The following PIEZO2 variants were observed in gnomAD, a reference collection of about 807,000 sequenced individuals.
The protein encoded by PIEZO2 is piezo type mechanosensitive ion channel component 2.
Under a neutral mutation model 337.3 loss-of-function variants are expected in PIEZO2, and 172 were observed. The observed-to-expected ratio is 0.51, with a 90% CI of 0.45 to 0.58. The LOEUF (loss-of-function observed/expected upper bound fraction) is 0.58, where lower values mean the gene tolerates loss of function less well. Ranked by LOEUF, PIEZO2 falls within the 20% of genes least tolerant of loss-of-function variation. The pLI is 0.00. For synonymous variants in PIEZO2, 1,251 were observed against 1,228.5 expected (o/e 1.02, Z -0.38); for missense variants, 3,028 against 3,391.3 (o/e 0.89, Z 2.66).
In PIEZO2 at chr18:10,725,219, T is replaced by C. The variant is rs1391938970; in HGVS notation, c.5029+6188A>G. ...ATCATTGAGGCTGTTCTGGAGAAGT[T>C]TGGAACCTACGAACACTTTGAGGCT... On this transcript the variant is annotated intron_variant, in intron 36 of 55. Transcript: ENST00000674853. 19 of 1,565,278 alleles carry C rather than the reference T, an allele frequency of 1.2e-5. 1 individual carries two copies. The highest frequency in any genetic ancestry group is 4.4e-5 in the South Asian group (4 of 90,040).
chr18:11,008,651 A>G (rs931206363), intron 2 of PIEZO2, among the ~76,000 whole-genome samples: 1 of 152,208 alleles, frequency 6.6e-6, no homozygotes, highest in Admixed American at 6.5e-5. Context: ...TTGTGGTCCA[A>G]AGTTCCATCT....
Position 10,952,598 on chromosome 18 carries a change from A to C in PIEZO2, c.286+26937T>G, listed in dbSNP as rs2033346873. On this transcript the variant is annotated intron_variant, in intron 3 of 55. Transcript: ENST00000674853. This position sits in a 1 kb window ranked among gnomAD's most constrained non-coding sequence, Gnocchi z 4.1. Reference sequence around the variant, plus strand: ...CCATCCAGGGACCAAGTTTGCTGAAAGACATTGAAGTTGCTTCCAGTTGGG... The same window carrying C: ...CCATCCAGGGACCAAGTTTGCTGAACGACATTGAAGTTGCTTCCAGTTGGG... Among the ~76,000 whole-genome samples, 1 of 152,230 alleles carries C rather than the reference A, an allele frequency of 6.6e-6. No individual in the cohort carries two copies. Among genetic ancestry groups the C allele is most frequent in the Non-Finnish European group, 1.5e-5 (1 of 68,040 alleles).
intron 7 of PIEZO2, among the ~76,000 whole-genome samples, chr18:10,817,358 T>A (rs1416215779): frequency 1.3e-5 from 2 of 152,204 alleles, no homozygotes; most frequent in Non-Finnish European, 2.9e-5. Context: ...TGAGATTTGA[T>A]CTCTTAAATA....
rs147178145 is a variant in PIEZO2, at chr18:10,699,468, C to G, written c.6442-291G>C. 4.9e-3 allele frequency among the ~76,000 whole-genome samples: 752 copies of G among 152,254 alleles called. 6 individuals are homozygous for G. Among genetic ancestry groups the G allele is most frequent in the African/African-American group, 0.017 (701 of 41,540 alleles). ...AAGGGGAGTTTCCCTGAACAAAGCA[C>G]TCCTCTCTTTGCCTGCCACCATCCA... On this transcript the variant is annotated intron_variant, in intron 43 of 55. Transcript: ENST00000674853.
intron 20 of PIEZO2, among the ~76,000 whole-genome samples, chr18:10,771,013 G>A (rs11876894): frequency 0.028 from 4,269 of 152,230 alleles, 201 homozygotes; most frequent in African/African-American, 0.097. Flanking sequence ...GTACAGGCAT[G>A]AGCGCCCATG....
rs2040953977 is a variant in PIEZO2, at chr18:10,834,753, C to G, written c.917+20600G>C. Among the ~76,000 whole-genome samples the G allele has an allele frequency of 6.6e-6, 1 of 152,164 alleles. No individual in the cohort carries two copies. Among genetic ancestry groups the G allele is most frequent in the Non-Finnish European group, 1.5e-5 (1 of 68,014 alleles). ...ACAAGGCCAGGCTTCCTAGAAAAGG[C>G]AGGGTGCCTAGAACACCAGCCTCAG... On this transcript the variant is annotated intron_variant, in intron 7 of 55. Coordinates refer to ENST00000674853, the MANE Select transcript of PIEZO2 (RefSeq NM_001378183.1). This position sits in a 1 kb window ranked among gnomAD's most constrained non-coding sequence, Gnocchi z 4.5.
intron 3 of PIEZO2, among the ~76,000 whole-genome samples, chr18:10,918,568 A>G (rs918820516): frequency 1.3e-5 from 2 of 151,332 alleles, no homozygotes; most frequent in African/African-American, 4.9e-5. Flanking sequence ...CACTATCAAC[A>G]TATGTTCAAT....
intron 37 of PIEZO2, among the ~76,000 whole-genome samples, chr18:10,717,242 G>C (rs546379854): frequency 3.3e-5 from 5 of 152,354 alleles, no homozygotes; most frequent in African/African-American, 1.2e-4. Context: ...GTGATCTGAA[G>C]TGTTGGCAGC....
In PIEZO2 at chr18:10,930,079, C is replaced by T. The variant is rs56285009; in HGVS notation, c.287-18851G>A. 3.3e-3 allele frequency among the ~76,000 whole-genome samples: 510 copies of T among 152,336 alleles called. 3 individuals are homozygous for T. The highest frequency in any genetic ancestry group is 0.011 in the African/African-American group (471 of 41,592). On this transcript the variant is annotated intron_variant, in intron 3 of 55. Transcript: ENST00000674853. ...GCCTGACTGGTATAGCATCACATGA[C>T]AGCAGGCCTTGAGGTACATCTAAGT...
chr18:10,785,401 C>G (rs1220081150), intron 16 of PIEZO2, among the ~76,000 whole-genome samples: 1 of 152,210 alleles, frequency 6.6e-6, no homozygotes, highest in Non-Finnish European at 1.5e-5. Context: ...CATCCTTACA[C>G]CAAGGACTCA....
chr18:11,082,359 C>T (rs1279735962), intron 1 of PIEZO2, among the ~76,000 whole-genome samples: 4 of 151,246 alleles, frequency 2.6e-5, no homozygotes, highest in South Asian at 2.1e-4. Context: ...GCTCTGTCAC[C>T]CAGGCTGGAG....
At chr18:11,026,362 G>T (rs1333035187) in intron 2 of PIEZO2, among the ~76,000 whole-genome samples, 1 of 152,058 alleles carries the variant, frequency 6.6e-6, no homozygotes, top group Non-Finnish European at 1.5e-5. Flanking sequence ...CCCCCACCCT[G>T]CCTCAATCTC....
At position 11,031,241 on chromosome 18, in the gene PIEZO2, C is replaced by T. The variant is rs1251119866; in HGVS notation, c.160+34886G>A. ...GTCTCAATCTCCTGACCTCGTGATC[C>T]ACCCACCTCAGCCTCCCAAAGTGCT... On this transcript the variant is annotated intron_variant, in intron 2 of 55. Coordinates refer to ENST00000674853, the MANE Select transcript of PIEZO2 (RefSeq NM_001378183.1). The surrounding 1 kb of genome is among the most constrained non-coding windows in gnomAD (Gnocchi z 4.7). Among the ~76,000 whole-genome samples the T allele has an allele frequency of 6.6e-6, 1 of 151,636 alleles. No homozygotes were observed. Among genetic ancestry groups the T allele is most frequent in the Non-Finnish European group, 1.5e-5 (1 of 67,924 alleles).
Position 11,078,793 on chromosome 18 carries a change from T to A in PIEZO2, c.65-12571A>T, listed in dbSNP as rs2038638966. Among the ~76,000 whole-genome samples, 1 of 152,224 alleles carries A rather than the reference T, an allele frequency of 6.6e-6. No individual in the cohort carries two copies. The highest frequency in any genetic ancestry group is 6.5e-5 in the Admixed American group (1 of 15,282). ...AATGAACCTCTTTTGCCAGATCTCTTCAGTCTCTACCTACTCAGAGTATTT... is the reference window on the plus strand; with the variant it reads ...AATGAACCTCTTTTGCCAGATCTCTACAGTCTCTACCTACTCAGAGTATTT... On this transcript the variant is annotated intron_variant, in intron 1 of 55. Coordinates refer to ENST00000674853, the MANE Select transcript of PIEZO2 (RefSeq NM_001378183.1). This position sits in a 1 kb window ranked among gnomAD's most constrained non-coding sequence, Gnocchi z 5.3.
At chr18:11,039,748 G>GCA (rs72175382) in intron 2 of PIEZO2, among the ~76,000 whole-genome samples, 3,444 of 140,534 alleles carry the variant, frequency 0.025, 47 homozygotes, top group South Asian at 0.031. Context: ...TTTTAAATAG[G>GCA]CACACACACA....
rs1294960614 is a variant in PIEZO2 at position 10,758,113 on chromosome 18, C to T, written c.3779G>A (p.Cys1260Tyr). The change falls in exon 27 of 56, where the codon TGT (cysteine) becomes TAT (tyrosine). Residue 1260 changes from cysteine (C) to tyrosine (Y), a missense_variant. Transcript: ENST00000674853. Reference sequence around the variant, plus strand: ...AAAAATCTGCCGTTGTAAGGAGGCACACAGAAGCAGCATGAAGTCATCTAA... The same window carrying T: ...AAAAATCTGCCGTTGTAAGGAGGCATACAGAAGCAGCATGAAGTCATCTAA... Reference protein sequence around the residue: ...FLVYDFMLLLCASLQRQIFED... With the variant: ...FLVYDFMLLLYASLQRQIFED... 2.6e-6 allele frequency: 4 copies of T among 1,537,444 alleles called. No individual in the cohort carries two copies. The highest frequency in any genetic ancestry group is 1.7e-4 in the Middle Eastern group (1 of 6,014).
chr18:10,695,316 G>T (rs2035033304), intron 47 of PIEZO2, among the ~76,000 whole-genome samples: 1 of 152,172 alleles, frequency 6.6e-6, no homozygotes, highest in South Asian at 2.1e-4. Context: ...GAAGAAGGCT[G>T]GGAGGGAGCA....
chr18:10,961,607 A>G (rs2033783784), intron 3 of PIEZO2, among the ~76,000 whole-genome samples: 1 of 152,298 alleles, frequency 6.6e-6, no homozygotes, highest in South Asian at 2.1e-4. Flanking sequence ...AAAAAATTTC[A>G]AAAAGAGTCA....
At chr18:11,121,005 C>T (rs914784909) in intron 1 of PIEZO2, among the ~76,000 whole-genome samples, 1 of 152,218 alleles carries the variant, frequency 6.6e-6, no homozygotes, top group African/African-American at 2.4e-5. Flanking sequence ...AAAATCCCAG[C>T]ACTTTGGGAG....
Sources: allele counts gnomAD v4.1 joint callset (sites outside exome capture counted in the v4.1 genomes callset), GRCh38; gene constraint gnomAD v4.1.1; non-coding constraint Gnocchi (gnomAD v3.1); transcripts MANE v1.5; gene names NCBI Gene and HGNC (gene_info 2026-07-23, HGNC 2026-07-21).